The following EFL1 variants were observed in gnomAD, a reference collection of about 807,000 sequenced individuals.
EFL1 encodes elongation factor like GTPase 1, also known as elongation factor-like GTPase 1.
Under a neutral mutation model 126.7 loss-of-function variants are expected in EFL1, and 76 were observed. The observed-to-expected ratio is 0.60, with a 90% CI of 0.50 to 0.73. The LOEUF (loss-of-function observed/expected upper bound fraction) is 0.73, where lower values mean the gene tolerates loss of function less well. Ranked by LOEUF, EFL1 falls within the 30% of genes least tolerant of loss-of-function variation. The pLI, the probability that EFL1 is intolerant of heterozygous loss-of-function variation, is 0.00. For missense variants in EFL1, 1,128 were observed against 1,343.2 expected (o/e 0.84, Z 2.50); for synonymous variants, 410 against 448.4 (o/e 0.91, Z 1.08).
intron 15 of EFL1, among the ~76,000 whole-genome samples, chr15:82,205,786 A>G (rs1177305609): frequency 6.6e-6 from 1 of 152,250 alleles, no homozygotes; most frequent in Non-Finnish European, 1.5e-5. Flanking sequence ...TTCTTATACA[A>G]TATCTATGGC....
chr15:82,199,279 G>C (rs2074442015), intron 15 of EFL1, among the ~76,000 whole-genome samples: 1 of 152,318 alleles, frequency 6.6e-6, no homozygotes, highest in East Asian at 1.9e-4. Context: ...ATTAACTTAT[G>C]ACACTAAGAT....
chr15:82,152,568 T>A, intron 17 of EFL1, 145 bp from the exon 18 acceptor site: 1 of 738,782 alleles, frequency 1.4e-6, no homozygotes, highest in Non-Finnish European at 2.1e-6. Context: ...GCAATTTACA[T>A]TATATAACAT....
At chr15:82,245,642 T>C (rs1034387211) in intron 4 of EFL1, among the ~76,000 whole-genome samples, 5 of 152,006 alleles carry the variant, frequency 3.3e-5, no homozygotes, top group Non-Finnish European at 7.4e-5. Context: ...TGATAGTATG[T>C]GTCAAAACTG....
In EFL1 at chr15:82,152,112, G is replaced by A. The variant is rs115354615; in HGVS notation, c.2342C>T (p.Ser781Phe). The A allele has an allele frequency of 4.1e-4, 665 of 1,614,090 alleles. 5 individuals are homozygous for A. In the African/African-American group the frequency reaches 7.7e-3, roughly 19 times the overall value. The change falls in exon 18 of 20, where the codon TCC becomes TTC. Residue 781 changes from serine to phenylalanine, a missense_variant. Ser to Phe is a radical substitution (Grantham distance 155, BLOSUM62 -2). This residue lies in a region of EFL1 where 561 missense variants were observed against 641.7 expected (regional missense o/e 0.87). Coordinates refer to ENST00000268206, the MANE Select transcript of EFL1 (RefSeq NM_024580.6). The stretch of plus-strand genomic sequence containing the variant: ...AGTATTTTCACCCTCATTCAAAGAG[G>A]ATGTCAACTGCTCCATAGAACGAAT... ...DLIRSMEQLT[S>F]SLNEGENTHM...
At chr15:82,256,852 T>A (rs542455164) in intron 3 of EFL1, among the ~76,000 whole-genome samples, 2 of 152,326 alleles carry the variant, frequency 1.3e-5, no homozygotes, top group South Asian at 4.1e-4. Flanking sequence ...TTTTATACTA[T>A]GCTGAATTGT....
At chr15:82,215,934 A>G (rs2074641104) in intron 14 of EFL1, among the ~76,000 whole-genome samples, 1 of 152,132 alleles carries the variant, frequency 6.6e-6, no homozygotes, top group South Asian at 2.1e-4. Context: ...GAAAAATTAT[A>G]AGAACTGAAT....
chr15:82,222,741 T>TTGTTGAGA (rs1231047718), intron 12 of EFL1, among the ~76,000 whole-genome samples: 1 of 152,112 alleles, frequency 6.6e-6, no homozygotes, highest in Non-Finnish European at 1.5e-5. Flanking sequence ...GAAATTTAAT[T>TTGTTGAGA]ACAAGAAAAT....
intron 17 of EFL1, among the ~76,000 whole-genome samples, chr15:82,153,416 T>C (rs538473271): frequency 1.3e-5 from 2 of 152,066 alleles, no homozygotes; most frequent in Non-Finnish European, 2.9e-5. Context: ...ATATAAAATC[T>C]AAGATAAAAT....
At chr15:82,181,202 T>G (rs2074248230) in intron 15 of EFL1, among the ~76,000 whole-genome samples, 3 of 152,248 alleles carry the variant, frequency 2.0e-5, no homozygotes, top group Admixed American at 2.0e-4. Context: ...TGGTACCTTC[T>G]GTAACTCAAT....
At chr15:82,154,637 GGGCCCCAA>G (rs2073947882) in intron 17 of EFL1, among the ~76,000 whole-genome samples, 3 of 152,124 alleles carry the variant, frequency 2.0e-5, no homozygotes, top group Non-Finnish European at 4.4e-5. Flanking sequence ...AGCCCTCAGA[GGGCCCCAA>G]TGCCATTAAG....
At chr15:82,131,894 G>A (rs951390237) in intron 19 of EFL1, among the ~76,000 whole-genome samples, 1 of 151,982 alleles carries the variant, frequency 6.6e-6, no homozygotes, top group Non-Finnish European at 1.5e-5. Context: ...TACAGAATAC[G>A]GCACAGAGAG....
intron 15 of EFL1, among the ~76,000 whole-genome samples, chr15:82,198,143 C>T (rs1234940575): frequency 6.6e-6 from 1 of 152,194 alleles, no homozygotes; most frequent in Non-Finnish European, 1.5e-5. Context: ...ATTGAAATTG[C>T]ACTCTGTTTC....
intron 15 of EFL1, among the ~76,000 whole-genome samples, chr15:82,185,308 A>G (rs1316320314): frequency 6.6e-6 from 1 of 152,030 alleles, no homozygotes; most frequent in Non-Finnish European, 1.5e-5. Context: ...CATACCATAA[A>G]CCAAGATAAA....
In EFL1 at chr15:82,189,452, T is replaced by C. The variant is rs1000437695; in HGVS notation, c.1750+25265A>G. Among the ~76,000 whole-genome samples the C allele has an allele frequency of 2.0e-5, 3 of 152,242 alleles. 1 individual carries two copies. Among genetic ancestry groups the C allele is most frequent in the African/African-American group, 7.2e-5 (3 of 41,472 alleles). On this transcript the variant is annotated intron_variant, in intron 15 of 19. Transcript: ENST00000268206. ...GAATCACATGTTTTTTCCTCTCAAA[T>C]TCTGCAGCCAAGAAGAGATGCTTGA...
At chr15:82,143,763 T>A (rs963324170) in intron 18 of EFL1, among the ~76,000 whole-genome samples, 2 of 152,164 alleles carry the variant, frequency 1.3e-5, no homozygotes, top group African/African-American at 2.4e-5. Context: ...ACTATTATAA[T>A]CAGTGACTTA....
At chr15:82,213,660 T>C (rs2074612130) in intron 15 of EFL1, among the ~76,000 whole-genome samples, 1 of 152,212 alleles carries the variant, frequency 6.6e-6, no homozygotes, top group Non-Finnish European at 1.5e-5. Context: ...TCCATTTAAT[T>C]TGAGCAATAC....
At chr15:82,254,530 T>C (rs1180646659) in intron 3 of EFL1, among the ~76,000 whole-genome samples, 4 of 152,182 alleles carry the variant, frequency 2.6e-5, no homozygotes, top group African/African-American at 9.6e-5. Flanking sequence ...ACCACTATCT[T>C]GAATTTTATC....
intron 12 of EFL1, among the ~76,000 whole-genome samples, chr15:82,221,484 T>C (rs987624072): frequency 6.6e-6 from 1 of 152,194 alleles, no homozygotes; most frequent in African/African-American, 2.4e-5. Context: ...TGTCCACTGC[T>C]ATACTCTTCA....
intron 16 of EFL1, among the ~76,000 whole-genome samples, chr15:82,160,883 A>C (rs985805602): frequency 6.6e-5 from 10 of 152,206 alleles, no homozygotes; most frequent in Admixed American, 6.5e-4. Context: ...TATCCTAATA[A>C]ACAGGGCTTT....
Sources: gnomAD v4.1 joint callset for allele counts (sites outside exome capture counted in the v4.1 genomes callset) on GRCh38, gnomAD v4.1.1 for gene constraint, gnomAD v4.1.1 regional missense constraint, MANE v1.5 for transcripts, NCBI Gene and HGNC (gene_info 2026-07-23, HGNC 2026-07-21) for gene names.